FBXO28: variants seen among roughly 807,000 people sequenced by gnomAD.
FBXO28 encodes the protein F-box only protein 28.
FBXO28 carries 8 observed loss-of-function variants against 38.1 expected under a neutral mutation model. The observed-to-expected ratio is 0.21, with a 90% confidence interval of 0.12 to 0.38. The LOEUF (loss-of-function observed/expected upper bound fraction) is 0.38, where lower values mean the gene tolerates loss of function less well. FBXO28 is among the 10% of genes least tolerant of loss of function. The pLI is 1.00. For missense variants in FBXO28, 345 were observed against 460.6 expected (o/e 0.75, Z 2.30); for synonymous variants, 168 against 173.8 (o/e 0.97, Z 0.26).
chr1:224,139,751 T>TGC (rs59499859), intron 3 of FBXO28, among the ~76,000 whole-genome samples: 128 of 49,754 alleles, frequency 2.6e-3, no homozygotes, highest in African/African-American at 5.6e-3. Context: ...AATAAATACA[T>TGC]ACATGCATGC....
At chr1:224,116,608 T>C (rs1209104632) in intron 1 of FBXO28, among the ~76,000 whole-genome samples, 2 of 152,174 alleles carry the variant, frequency 1.3e-5, no homozygotes, top group East Asian at 3.8e-4. Context: ...TAGGAGTTAG[T>C]TTATGTATTG....
chr1:224,142,707 C>T (rs1381837973), intron 3 of FBXO28, among the ~76,000 whole-genome samples: 13 of 151,898 alleles, frequency 8.6e-5, no homozygotes, highest in Admixed American at 6.6e-5. Context: ...CCTAGCACTT[C>T]GGGAGGCCAA....
intron 1 of FBXO28, among the ~76,000 whole-genome samples, chr1:224,117,988 AATTAATTAATTAATTT>A (rs199624979): frequency 0.51 from 75,718 of 147,832 alleles, 20,409 homozygotes; most frequent in South Asian, 0.61. Context: ...GGAGCTTTTT[AATTAATTAATTAATTT>A]ATTTATTTAT....
chr1:224,127,164 T>TG (rs1656923353), intron 1 of FBXO28, among the ~76,000 whole-genome samples: 295 of 88,550 alleles, frequency 3.3e-3, no homozygotes, highest in African/African-American at 0.011. Context: ...TGTAAAGTAT[T>TG]TGTGTGTGTG....
chr1:224,117,759 G>A (rs1217711373), intron 1 of FBXO28, among the ~76,000 whole-genome samples: 2 of 152,072 alleles, frequency 1.3e-5, no homozygotes, highest in Non-Finnish European at 2.9e-5. Context: ...TGTAATCCCA[G>A]CACTTTGGGA....
At chr1:224,133,288 G>A (rs1240137327) in intron 2 of FBXO28, among the ~76,000 whole-genome samples, 3 of 152,088 alleles carry the variant, frequency 2.0e-5, no homozygotes, top group African/African-American at 7.2e-5. Context: ...TTAGATAGTG[G>A]TGATAGTTGT....
intron 4 of FBXO28, among the ~76,000 whole-genome samples, chr1:224,156,344 T>C (rs551373602): frequency 1.3e-5 from 2 of 152,216 alleles, no homozygotes; most frequent in African/African-American, 4.8e-5. Flanking sequence ...ACCCACTGTT[T>C]AGTGGAGTCC....
chr1:224,160,536 T>C lies in FBXO28; in HGVS notation c.*2790T>C, dbSNP rs1157438834. On this transcript the variant is annotated 3_prime_UTR_variant, in exon 5 of 5. Coordinates refer to ENST00000366862, the MANE Select transcript of FBXO28 (RefSeq NM_015176.4). Reference sequence around the variant, plus strand: ...ACCCCAGCCGGATCCTCTGCTTATCTCCCACATGCACTTGGCTTAACTGGT... The same window carrying C: ...ACCCCAGCCGGATCCTCTGCTTATCCCCCACATGCACTTGGCTTAACTGGT... 1.3e-5 allele frequency: 2 copies of C among 152,194 alleles called. No individual in the cohort carries two copies. The highest frequency in any genetic ancestry group is 2.9e-5 in the Non-Finnish European group (2 of 68,042). The allele number at this position is 152,194 out of a possible 1,614,324, so 9.4% of individuals were successfully genotyped here. A position where few individuals can be genotyped will look rare whatever the true frequency, so the allele number is the denominator to read the frequency against.
chr1:224,154,334 TCTA>T (rs1657716622), intron 4 of FBXO28, among the ~76,000 whole-genome samples: 1 of 152,240 alleles, frequency 6.6e-6, no homozygotes, highest in African/African-American at 2.4e-5. Flanking sequence ...AAGTACAATT[TCTA>T]CTAAATGTCT....
At chr1:224,136,948 C>T (rs1657205931) in intron 3 of FBXO28, among the ~76,000 whole-genome samples, 1 of 151,072 alleles carries the variant, frequency 6.6e-6, no homozygotes, top group African/African-American at 2.5e-5. Context: ...GACGAGGTTT[C>T]ACCATGTTGG....
At chr1:224,131,891 C>T (rs1275188525) in intron 2 of FBXO28, among the ~76,000 whole-genome samples, 1 of 152,112 alleles carries the variant, frequency 6.6e-6, no homozygotes, top group Non-Finnish European at 1.5e-5. Flanking sequence ...TGGGAGAAAA[C>T]CTGCGTAAAT....
chr1:224,132,345 G>A (rs537021069), intron 2 of FBXO28, among the ~76,000 whole-genome samples: 2 of 152,250 alleles, frequency 1.3e-5, no homozygotes, highest in East Asian at 1.9e-4. Flanking sequence ...ATCATTAGTC[G>A]TCAGGGGAAT....
At chr1:224,123,593 A>T (rs1287336222) in intron 1 of FBXO28, among the ~76,000 whole-genome samples, 14 of 152,022 alleles carry the variant, frequency 9.2e-5, no homozygotes, top group Non-Finnish European at 2.1e-4. Flanking sequence ...TTTTCCCAGA[A>T]AAGTTTTTAT....
At chr1:224,139,764 G>GCATGCATACATACATA (rs1386239166) in intron 3 of FBXO28, among the ~76,000 whole-genome samples, 2,277 of 146,010 alleles carry the variant, frequency 0.016, 34 homozygotes, top group East Asian at 0.036. Context: ...ATGCATGCAT[G>GCATGCATACATACATA]CATACATACA....
rs1310585274 is a variant in FBXO28 at position 224,114,203 on chromosome 1, C to T, written c.74C>T (p.Ala25Val). The T allele has an allele frequency of 6.5e-7, 1 of 1,549,040 alleles. No homozygotes were observed. Among genetic ancestry groups the T allele is most frequent in the Non-Finnish European group, 8.7e-7 (1 of 1,146,788 alleles). Residue 25 changes from alanine (A) to valine (V), a missense_variant, in exon 1 of 5, where the codon GCC (alanine) becomes GTC (valine). Around this residue, in one of 6 missense-constraint regions of FBXO28, gnomAD observed 104 missense variants for 82.0 expected, o/e 1.27. Coordinates refer to ENST00000366862, the MANE Select transcript of FBXO28 (RefSeq NM_015176.4). ...GGQGDGGSSL[A>V]SGSTQRQPPP... Reference sequence around the variant, plus strand: ...CAAGGCGACGGCGGTTCCTCTTTGGCCTCCGGCTCTACCCAGCGACAGCCT... The same window carrying T: ...CAAGGCGACGGCGGTTCCTCTTTGGTCTCCGGCTCTACCCAGCGACAGCCT...
Position 224,157,585 on chromosome 1 carries a change from C to A in FBXO28, c.946C>A (p.Arg316=). The change falls in exon 5 of 5, where the codon CGG becomes AGG. Residue 316 remains arginine, a synonymous_variant. Coordinates refer to ENST00000366862, the MANE Select transcript of FBXO28 (RefSeq NM_015176.4). ...QTQIIGEQNA[R]LAELERKLRE... is the part of the protein sequence containing the mutation. Reference sequence around the variant, plus strand: ...CCAGATCATAGGTGAACAAAATGCACGGTTGGCAGAGCTAGAACGCAAACT... The same window carrying A: ...CCAGATCATAGGTGAACAAAATGCAAGGTTGGCAGAGCTAGAACGCAAACT... 6.2e-7 allele frequency: 1 copy of A among 1,614,216 alleles called. No homozygotes were observed. The highest frequency in any genetic ancestry group is 8.5e-7 in the Non-Finnish European group (1 of 1,180,044).
At chr1:224,119,543 C>T (rs187261228) in intron 1 of FBXO28, among the ~76,000 whole-genome samples, 67 of 152,134 alleles carry the variant, frequency 4.4e-4, no homozygotes, top group Admixed American at 8.5e-4. Flanking sequence ...GGGGGCAGTT[C>T]GTTCTTCCAG....
intron 4 of FBXO28, among the ~76,000 whole-genome samples, chr1:224,156,282 A>G (rs1318303652): frequency 6.6e-6 from 1 of 152,206 alleles, no homozygotes; most frequent in Admixed American, 6.5e-5. Flanking sequence ...AATAGGTCCA[A>G]GGCCTTCCTA....
intron 2 of FBXO28, 29 bp from the exon 3 acceptor site, chr1:224,134,045 C>T: frequency 6.9e-7 from 1 of 1,446,726 alleles, no homozygotes; most frequent in Non-Finnish European, 9.1e-7. Context: ...TTAATGGTTG[C>T]CTTGCTTTTA....
Sources: gnomAD v4.1 joint callset for allele counts (sites outside exome capture counted in the v4.1 genomes callset) on GRCh38, gnomAD v4.1.1 for gene constraint, gnomAD v4.1.1 regional missense constraint, MANE v1.5 for transcripts, NCBI Gene and HGNC (gene_info 2026-07-23, HGNC 2026-07-21) for gene names.